GRID2: variants seen among roughly 807,000 people sequenced by gnomAD.
The protein encoded by GRID2 is glutamate ionotropic receptor delta type subunit 2.
A neutral mutation model predicts 114.8 loss-of-function variants in GRID2; 33 were observed. The ratio of observed to expected loss-of-function variants is 0.29; its 90% CI spans 0.22 to 0.38. GRID2 has a LOEUF of 0.38. GRID2 is among the 10% of genes least tolerant of loss of function. GRID2 has a pLI of 1.00. For missense variants in GRID2, 1,184 were observed against 1,257.7 expected, an observed-to-expected ratio of 0.94 and a Z score of 0.89; for synonymous variants, 505 against 449.9, an observed-to-expected ratio of 1.12 and a Z score of -1.55.
chr4:92,915,007 C>T (rs893152213), intron 2 of GRID2, among the ~76,000 whole-genome samples: 1 of 152,154 alleles, frequency 6.6e-6, no homozygotes, highest in African/African-American at 2.4e-5. Flanking sequence ...AATTGACTCA[C>T]AGTCCAGCAT....
Position 92,590,259 on chromosome 4 carries a change from A to G in GRID2, c.217A>G (p.Asn73Asp). The G allele has an allele frequency of 6.2e-7, 1 of 1,613,620 alleles. No individual in the cohort carries two copies. The highest frequency in any genetic ancestry group is 2.2e-5 in the East Asian group (1 of 44,812). The change falls in exon 2 of 16, where the codon AAC becomes GAC. Residue 73 changes from asparagine to aspartate, a missense_variant. Asn to Asp is a conservative substitution (Grantham distance 23). Transcript: ENST00000282020. ...ITFSVTFVDG[N>D]NPFQAVQEAC... ...ATTTTCAGTGACGTTTGTTGATGGCAACAACCCTTTCCAAGCAGTTCAAGA... is the reference window on the plus strand; with the variant it reads ...ATTTTCAGTGACGTTTGTTGATGGCGACAACCCTTTCCAAGCAGTTCAAGA...
chr4:93,085,297 G>T lies in GRID2; in HGVS notation c.529+18G>T. 1 of 1,588,818 alleles carries T rather than the reference G, an allele frequency of 6.3e-7. No individual in the cohort carries two copies. The highest frequency in any genetic ancestry group is 8.6e-7 in the Non-Finnish European group (1 of 1,157,902). On this transcript the variant is annotated intron_variant, in intron 3 of 15. Coordinates refer to ENST00000282020, the MANE Select transcript of GRID2 (RefSeq NM_001510.4). The stretch of plus-strand genomic sequence containing the variant: ...TGAATACGGTAAGTGTTTATAATTT[G>T]TTTAGGTTTTGTAAGCTGATATTTG...
chr4:92,641,717 T>C (rs796577822), intron 2 of GRID2, among the ~76,000 whole-genome samples: 2 of 151,786 alleles, frequency 1.3e-5, no homozygotes, highest in Admixed American at 6.6e-5. Context: ...GCAGGTTTTT[T>C]ACATGGGTAT....
rs919024093 is a variant in GRID2 at position 93,772,870 on chromosome 4, C to T, written c.*372C>T. On this transcript the variant is annotated 3_prime_UTR_variant, in exon 16 of 16. Coordinates refer to ENST00000282020, the MANE Select transcript of GRID2 (RefSeq NM_001510.4). ...TAAAGGCCTCTTCTGTAACATTTCT[C>T]TATTTTTTGAAATACAATTGCAATA... 2.8e-5 allele frequency: 5 copies of T among 178,180 alleles called. No individual in the cohort carries two copies. The highest frequency in any genetic ancestry group is 1.2e-4 in the African/African-American group (5 of 42,394). The allele number at this position is 178,180 out of a possible 1,614,324, so 11.0% of individuals were successfully genotyped here.
chr4:93,723,741 C>A (rs1486110815), intron 14 of GRID2, among the ~76,000 whole-genome samples: 5 of 152,138 alleles, frequency 3.3e-5, no homozygotes, highest in Non-Finnish European at 5.9e-5. Flanking sequence ...TTATTACCTG[C>A]CCTCTGTGCA....
intron 2 of GRID2, among the ~76,000 whole-genome samples, chr4:92,922,723 T>G (rs373153632): frequency 1.6e-4 from 24 of 152,196 alleles, no homozygotes; most frequent in South Asian, 4.1e-4. Flanking sequence ...TGCAAATCAA[T>G]GAAAATGAAT....
At chr4:93,020,833 G>C (rs1723207413) in intron 2 of GRID2, among the ~76,000 whole-genome samples, 1 of 152,036 alleles carries the variant, frequency 6.6e-6, no homozygotes, top group African/African-American at 2.4e-5. Context: ...AGGAGTTCGA[G>C]ACCAGCCCGA....
At chr4:93,542,031 C>T (rs970806607) in intron 13 of GRID2, among the ~76,000 whole-genome samples, 1 of 152,174 alleles carries the variant, frequency 6.6e-6, no homozygotes. Context: ...CCTTACTTTG[C>T]CCAACTTGGG....
chr4:92,573,285 C>T (rs556743656), intron 1 of GRID2, among the ~76,000 whole-genome samples: 17 of 151,680 alleles, frequency 1.1e-4, no homozygotes, highest in South Asian at 6.3e-4. Context: ...TTTCAGTTTT[C>T]GAAGGGTTTT....
At chr4:92,471,129 T>A (rs1193234201) in intron 1 of GRID2, among the ~76,000 whole-genome samples, 3 of 152,036 alleles carry the variant, frequency 2.0e-5, no homozygotes, top group Non-Finnish European at 4.4e-5. Context: ...GAGCATCATG[T>A]AAGAGCGAAT....
chr4:93,644,201 C>T (rs920538494), intron 14 of GRID2, among the ~76,000 whole-genome samples: 1 of 91,090 alleles, frequency 1.1e-5, no homozygotes, highest in East Asian at 2.2e-4. Context: ...CACTGGCCTG[C>T]GCCCACTGTC....
At chr4:92,773,205 CTG>C (rs1253584268) in intron 2 of GRID2, among the ~76,000 whole-genome samples, 1 of 152,204 alleles carries the variant, frequency 6.6e-6, no homozygotes, top group East Asian at 1.9e-4. Flanking sequence ...GGATATAAAA[CTG>C]TGGCTATTTA....
At chr4:93,492,875 T>G (rs1041955941) in intron 12 of GRID2, among the ~76,000 whole-genome samples, 38 of 151,382 alleles carry the variant, frequency 2.5e-4, no homozygotes, top group Non-Finnish European at 5.5e-4. Flanking sequence ...TTCTGAAAGT[T>G]CGTACCCTTT....
intron 10 of GRID2, among the ~76,000 whole-genome samples, chr4:93,427,006 G>C (rs1768916283): frequency 6.6e-6 from 1 of 151,834 alleles, no homozygotes; most frequent in African/African-American, 2.4e-5. Context: ...TTGAGAAAAT[G>C]GGTTGTCATG....
chr4:92,907,656 T>C (rs886262357), intron 2 of GRID2, among the ~76,000 whole-genome samples: 2 of 152,078 alleles, frequency 1.3e-5, no homozygotes, highest in Admixed American at 6.5e-5. Flanking sequence ...TTGATCCGCC[T>C]GCTTCAGCCT....
chr4:93,001,982 A>C (rs1721035905), intron 2 of GRID2, among the ~76,000 whole-genome samples: 1 of 151,158 alleles, frequency 6.6e-6, no homozygotes, highest in Non-Finnish European at 1.5e-5. Context: ...CAAACAAAAA[A>C]TTTTACACAC....
intron 8 of GRID2, among the ~76,000 whole-genome samples, chr4:93,316,684 T>C (rs1756696551): frequency 6.6e-6 from 1 of 152,102 alleles, no homozygotes; most frequent in Admixed American, 6.6e-5. Flanking sequence ...ATCAAGGTGA[T>C]TTTGGTCACA....
intron 1 of GRID2, among the ~76,000 whole-genome samples, chr4:92,565,982 T>C (rs955988760): frequency 1.2e-4 from 19 of 152,142 alleles, no homozygotes; most frequent in South Asian, 6.2e-4. Flanking sequence ...AAGTATTACC[T>C]AGGTTGAGTT....
chr4:93,769,485 C>A, intron 15 of GRID2, 35 bp downstream of exon 15: 2 of 1,607,766 alleles, frequency 1.2e-6, no homozygotes, highest in South Asian at 1.1e-5. Flanking sequence ...TAAATTGAAT[C>A]AACAAGCAGG....
Sources: allele counts gnomAD v4.1 joint callset (sites outside exome capture counted in the v4.1 genomes callset), GRCh38; gene constraint gnomAD v4.1.1; transcripts MANE v1.5; gene names NCBI Gene and HGNC (gene_info 2026-07-23, HGNC 2026-07-21).